SLC25A17: variants seen among roughly 807,000 people sequenced by gnomAD.
The protein encoded by SLC25A17 is solute carrier family 25 member 17.
SLC25A17 carries 26 observed loss-of-function variants against 38.5 expected under a neutral mutation model. The ratio of observed to expected loss-of-function variants is 0.68; its 90% CI spans 0.50 to 0.94. SLC25A17 has a LOEUF of 0.94. Ranked by LOEUF, SLC25A17 falls within the 40% of genes least tolerant of loss-of-function variation. The probability of loss-of-function intolerance (pLI) is 0.00; values close to 1 mark genes in which losing one functional copy is unlikely to be tolerated. For synonymous variants in SLC25A17, 139 were observed against 136.2 expected (o/e 1.02, Z -0.14); for missense variants, 333 against 372.7 (o/e 0.89, Z 0.88).
At chr22:40,818,238 A>T (rs1390222922) in intron 1 of SLC25A17, among the ~76,000 whole-genome samples, 2 of 152,178 alleles carry the variant, frequency 1.3e-5, no homozygotes, top group Non-Finnish European at 1.5e-5. Context: ...ATATGAGAAA[A>T]GGCAGTCAAA....
intron 1 of SLC25A17, among the ~76,000 whole-genome samples, chr22:40,801,916 G>A (rs1283096838): frequency 1.3e-5 from 2 of 152,126 alleles, no homozygotes; most frequent in Admixed American, 6.5e-5. Context: ...TCAGCCTCCC[G>A]AGTAGCTGGG....
chr22:40,779,090 C>T lies in SLC25A17; in HGVS notation c.370G>A (p.Val124Met). ...VNVLLTTPLW[V>M]VNTRLKLQGA... ...TGAAGCTTCAGTCTGGTGTTTACCA[C>T]CCAGAGTGGAGTTGTTAGCAACACA... The change falls in exon 5 of 9, where the codon GTG (valine) becomes ATG (methionine). Residue 124 changes from valine (V) to methionine (M), a missense_variant. By Grantham distance (21) the Val-to-Met change is conservative (BLOSUM62 1). Coordinates refer to ENST00000435456, the MANE Select transcript of SLC25A17 (RefSeq NM_006358.4). 7 of 1,614,156 alleles carry T rather than the reference C, an allele frequency of 4.3e-6. No homozygotes were observed. Among genetic ancestry groups the T allele is most frequent in the Non-Finnish European group, 5.9e-6 (7 of 1,180,022 alleles).
At chr22:40,804,632 T>G (rs1467087628) in intron 1 of SLC25A17, among the ~76,000 whole-genome samples, 1 of 152,234 alleles carries the variant, frequency 6.6e-6, no homozygotes, top group Non-Finnish European at 1.5e-5. Flanking sequence ...ATTAACCTCT[T>G]GTCAGATGCA....
At position 40,779,039 on chromosome 22, in the gene SLC25A17, T is replaced by G; in HGVS notation, c.421A>C (p.Ile141Leu). Residue 141 changes from isoleucine (I) to leucine (L), a missense_variant, in exon 5 of 9, where the codon ATT (isoleucine) becomes CTT (leucine). Physicochemically the swap from Ile to Leu is conservative, Grantham distance 5 (BLOSUM62 2). Transcript: ENST00000435456. ...LQGAKFRNED[I>L]VPTNYKGIID... is the part of the protein sequence containing the mutation. ...ATACCTTTGTAGTTTGTTGGTACAA[T>G]GTCTTCATTCCTAAATTTTGCTCCT... is the stretch of plus-strand genomic sequence containing the variant. 6.2e-7 allele frequency: 1 copy of G among 1,614,144 alleles called. No individual in the cohort carries two copies. The highest frequency in any genetic ancestry group is 8.5e-7 in the Non-Finnish European group (1 of 1,179,988).
chr22:40,801,122 ATATTACATATATATATATATATATATAT>A (rs1190931900), intron 1 of SLC25A17, among the ~76,000 whole-genome samples: 1,220 of 100,732 alleles, frequency 0.012, 21 homozygotes, highest in African/African-American at 0.049. Flanking sequence ...AGAAAAAAAT[ATATTACATATATATATATATATATATAT>A]ATATATATAT....
intron 4 of SLC25A17, 80 bp from the exon 5 acceptor site, chr22:40,779,205 A>G: frequency 6.2e-7 from 1 of 1,606,304 alleles, no homozygotes; most frequent in Middle Eastern, 1.7e-4. Flanking sequence ...CTACATACCA[A>G]TATTCCATTT....
chr22:40,811,029 CAATT>C (rs1266559159), intron 1 of SLC25A17, among the ~76,000 whole-genome samples: 2 of 151,604 alleles, frequency 1.3e-5, no homozygotes, highest in Admixed American at 1.3e-4. Flanking sequence ...GGGTGGAGGT[CAATT>C]AATCCTCTCA....
chr22:40,793,150 G>T (rs542007119), intron 3 of SLC25A17, among the ~76,000 whole-genome samples: 1 of 151,632 alleles, frequency 6.6e-6, no homozygotes, highest in Non-Finnish European at 1.5e-5. Flanking sequence ...AAATAATGAA[G>T]TACAGTAATC....
intron 1 of SLC25A17, among the ~76,000 whole-genome samples, chr22:40,802,886 T>C (rs937376342): frequency 6.6e-6 from 1 of 152,218 alleles, no homozygotes; most frequent in Admixed American, 6.5e-5. Flanking sequence ...TTTATTTATT[T>C]ATAAGTGCCA....
chr22:40,795,545 C>T (rs913710038), intron 2 of SLC25A17, among the ~76,000 whole-genome samples: 1 of 152,182 alleles, frequency 6.6e-6, no homozygotes. Flanking sequence ...CCGTCTTGGC[C>T]TCCCAAAGTG....
chr22:40,771,918 G>A (rs2057187481), intron 8 of SLC25A17, among the ~76,000 whole-genome samples: 2 of 151,736 alleles, frequency 1.3e-5, no homozygotes, highest in Non-Finnish European at 2.9e-5. Flanking sequence ...CATTTTCCAT[G>A]ATGTGATTAT....
intron 2 of SLC25A17, among the ~76,000 whole-genome samples, chr22:40,796,391 C>T (rs1188318733): frequency 6.6e-6 from 1 of 152,050 alleles, no homozygotes; most frequent in African/African-American, 2.4e-5. Flanking sequence ...GTAATCCCAG[C>T]ACTTTGGGAG....
intron 1 of SLC25A17, among the ~76,000 whole-genome samples, chr22:40,804,918 G>C (rs1165416447): frequency 6.6e-6 from 1 of 151,670 alleles, no homozygotes. Flanking sequence ...AGACCAGCCT[G>C]GGCAACATAG....
At chr22:40,783,903 G>A (rs9619898) in intron 4 of SLC25A17, among the ~76,000 whole-genome samples, 2,951 of 152,012 alleles carry the variant, frequency 0.019, 82 homozygotes, top group African/African-American at 0.063. Context: ...AGGGGGTTTC[G>A]CCATGTTGGC....
chr22:40,777,937 T>G, intron 5 of SLC25A17, among the ~76,000 whole-genome samples: 1 of 152,192 alleles, frequency 6.6e-6, no homozygotes, highest in Non-Finnish European at 1.5e-5. Flanking sequence ...CGAATCCTCC[T>G]AAGTCATTAT....
intron 4 of SLC25A17, chr22:40,788,920 A>G: frequency 3.4e-6 from 1 of 294,712 alleles, no homozygotes; most frequent in Non-Finnish European, 6.8e-6. Flanking sequence ...TCATGAATCA[A>G]AGTTCTTTTC....
At chr22:40,807,752 A>AAAT (rs1252537478) in intron 1 of SLC25A17, among the ~76,000 whole-genome samples, 3 of 151,954 alleles carry the variant, frequency 2.0e-5, no homozygotes, top group Admixed American at 6.6e-5. Flanking sequence ...CCATCTCAAA[A>AAAT]AATAATAATA....
intron 7 of SLC25A17, among the ~76,000 whole-genome samples, chr22:40,775,436 GTTTTTTTTTT>G (rs71200615): frequency 3.5e-5 from 3 of 86,870 alleles, no homozygotes; most frequent in Admixed American, 1.5e-4. Flanking sequence ...AGATCTGATG[GTTTTTTTTTT>G]TTTTTTTTTT....
intron 2 of SLC25A17, chr22:40,797,409 C>T (rs2057440499): frequency 3.0e-6 from 2 of 667,178 alleles, no homozygotes; most frequent in Non-Finnish European, 4.9e-6. Flanking sequence ...ATTAGGACTA[C>T]ATGCCTACAT....
Sources: gnomAD v4.1 joint callset for allele counts (sites outside exome capture counted in the v4.1 genomes callset) on GRCh38, gnomAD v4.1.1 for gene constraint, MANE v1.5 for transcripts, NCBI Gene and HGNC (gene_info 2026-07-23, HGNC 2026-07-21) for gene names.